ZFHX3: variants seen among roughly 807,000 people sequenced by gnomAD.
The protein encoded by ZFHX3 is zinc finger homeobox 3, also known as zinc finger homeobox protein 3.
In ZFHX3, 42 loss-of-function variants were observed where a neutral mutation model predicts 279.1. The observed-to-expected ratio is 0.15, with a 90% CI of 0.12 to 0.19. The LOEUF is 0.19. ZFHX3 is among the 10% of genes least tolerant of loss of function. The pLI is 1.00. For missense variants in ZFHX3, 4,981 were observed against 4,754.0 expected (o/e 1.05, Z -1.40); for synonymous variants, 2,293 against 1,957.8 (o/e 1.17, Z -4.52).
chr16:73,260,323 T>C lies in ZFHX3; in HGVS notation c.-1193-3187A>G, dbSNP rs553207376. On this transcript the variant is annotated intron_variant, in intron 4 of 17. Transcript: ENST00000641206. ...TCTGCTAGGTTTCTATTGTCCTTTT[T>C]GTAATTGGTAAGTATCTTTTTGGGA... Among the ~76,000 whole-genome samples, 5 of 152,300 alleles carry C rather than the reference T, an allele frequency of 3.3e-5. No individual in the cohort carries two copies. In the Middle Eastern group the frequency reaches 0.01, roughly 311 times the overall value.
chr16:73,097,518 A>G (rs936740848), intron 7 of ZFHX3, among the ~76,000 whole-genome samples: 1 of 152,182 alleles, frequency 6.6e-6, no homozygotes, highest in Admixed American at 6.5e-5. Flanking sequence ...GGATTTATAT[A>G]TACATATGTC....
chr16:73,210,575 C>G (rs1177503801), intron 5 of ZFHX3, among the ~76,000 whole-genome samples: 2 of 152,098 alleles, frequency 1.3e-5, no homozygotes, highest in East Asian at 3.9e-4. Context: ...CAGAGTTATT[C>G]CTATTGACCT....
At chr16:73,427,930 G>A (rs1020643940) in intron 3 of ZFHX3, among the ~76,000 whole-genome samples, 3 of 152,060 alleles carry the variant, frequency 2.0e-5, no homozygotes, top group Admixed American at 6.6e-5. Context: ...GCGACAGAGC[G>A]AGACTCTGTC....
intron 3 of ZFHX3, among the ~76,000 whole-genome samples, chr16:73,439,909 CAAAAAAAA>C (rs71156164): frequency 1.3e-5 from 1 of 75,446 alleles, no homozygotes; most frequent in African/African-American, 6.3e-5. Context: ...GGGAGAGGGA[CAAAAAAAA>C]AAAAAAAAAA....
At chr16:73,099,277 A>G (rs1966202352) in intron 7 of ZFHX3, 2 of 152,228 alleles carry the variant, frequency 1.3e-5, no homozygotes, top group Admixed American at 1.3e-4. Context: ...TGTTATAACA[A>G]ATGAAAAATG....
chr16:73,731,854 GAC>G (rs2053572345), intron 1 of ZFHX3, among the ~76,000 whole-genome samples: 1 of 152,152 alleles, frequency 6.6e-6, no homozygotes, highest in Non-Finnish European at 1.5e-5. Flanking sequence ...AGGTGTTAAA[GAC>G]ACACGTTTTG....
intron 1 of ZFHX3, among the ~76,000 whole-genome samples, chr16:73,762,103 C>A (rs1260651148): frequency 6.6e-6 from 1 of 151,116 alleles, no homozygotes; most frequent in Non-Finnish European, 1.5e-5. Context: ...GTCTAATATC[C>A]AGAATCTATA....
chr16:73,326,038 G>A (rs1334186630), intron 3 of ZFHX3, among the ~76,000 whole-genome samples: 1 of 152,110 alleles, frequency 6.6e-6, no homozygotes, highest in East Asian at 1.9e-4. Flanking sequence ...TGATTGCCAA[G>A]TCATGGAAGT....
intron 3 of ZFHX3, among the ~76,000 whole-genome samples, chr16:73,439,909 C>CAAAAAAAAAAAAAAAAAAAAA (rs71156164): frequency 1.3e-5 from 1 of 75,444 alleles, no homozygotes; most frequent in Non-Finnish European, 2.2e-5. Context: ...GGGAGAGGGA[C>CAAAAAAAAAAAAAAAAAAAAA]AAAAAAAAAA....
intron 3 of ZFHX3, among the ~76,000 whole-genome samples, chr16:72,924,008 G>T (rs758927464): frequency 6.6e-6 from 1 of 152,184 alleles, no homozygotes; most frequent in South Asian, 2.1e-4. Context: ...GCCGTCGGCT[G>T]TAACGGGCTA....
At chr16:73,156,236 A>AC (rs1776655599) in intron 5 of ZFHX3, among the ~76,000 whole-genome samples, 1 of 150,930 alleles carries the variant, frequency 6.6e-6, no homozygotes, top group Non-Finnish European at 1.5e-5. Context: ...CCTCTCAAAA[A>AC]AAAAAAAAAA....
rs2019279286 is a variant in ZFHX3, at chr16:73,503,875, C to T, written c.-1546-47617G>A. On this transcript the variant is annotated intron_variant, in intron 2 of 17. Transcript: ENST00000641206. The stretch of plus-strand genomic sequence containing the variant: ...AATAAGAAATCCTGAAGGAATGAAA[C>T]GAGGTTTGTGCTCCTCTGAGGAAGA... 2.0e-5 allele frequency among the ~76,000 whole-genome samples: 3 copies of T among 152,236 alleles called. 1 individual carries two copies. The highest frequency in any genetic ancestry group is 6.8e-3 in the Middle Eastern group (2 of 294).
intron 4 of ZFHX3, among the ~76,000 whole-genome samples, chr16:72,867,800 T>C (rs867625908): frequency 6.6e-6 from 1 of 152,274 alleles, no homozygotes; most frequent in Non-Finnish European, 1.5e-5. Flanking sequence ...AGCTTTCCTC[T>C]TCTAATGATG....
chr16:73,861,455 A>G (rs1184106768), intron 1 of ZFHX3, among the ~76,000 whole-genome samples: 1 of 152,182 alleles, frequency 6.6e-6, no homozygotes, highest in African/African-American at 2.4e-5. Flanking sequence ...TCCGTGTACA[A>G]ATAATCTTTA....
chr16:73,811,591 C>T (rs1005779161), intron 1 of ZFHX3, among the ~76,000 whole-genome samples: 2 of 151,896 alleles, frequency 1.3e-5, no homozygotes, highest in Middle Eastern at 3.4e-3. Context: ...ACTACAGGCA[C>T]GCGCGCCAAC....
At chr16:72,805,060 C>A (rs1004263329) in intron 7 of ZFHX3, among the ~76,000 whole-genome samples, 2 of 152,298 alleles carry the variant, frequency 1.3e-5, no homozygotes, top group South Asian at 4.1e-4. Flanking sequence ...TCACTGCAAC[C>A]TCCGCCTCCC....
intron 4 of ZFHX3, among the ~76,000 whole-genome samples, chr16:72,871,214 C>T (rs746629379): frequency 2.0e-5 from 3 of 152,168 alleles, no homozygotes; most frequent in African/African-American, 4.8e-5. Context: ...TTGCTCTTGA[C>T]GCCCAGGTTG....
chr16:73,377,368 C>G (rs919558050), intron 3 of ZFHX3, among the ~76,000 whole-genome samples: 8 of 152,104 alleles, frequency 5.3e-5, no homozygotes, highest in African/African-American at 1.9e-4. Flanking sequence ...TCAGACCTAC[C>G]AGGTATTAAG....
intron 2 of ZFHX3, among the ~76,000 whole-genome samples, chr16:73,462,637 A>C (rs2018492709): frequency 6.6e-6 from 1 of 152,136 alleles, no homozygotes; most frequent in East Asian, 1.9e-4. Context: ...CAATTTTGTC[A>C]AATACTTTTC....
Sources: allele counts gnomAD v4.1 joint callset (sites outside exome capture counted in the v4.1 genomes callset), GRCh38; gene constraint gnomAD v4.1.1; transcripts MANE v1.5; gene names NCBI Gene and HGNC (gene_info 2026-07-23, HGNC 2026-07-21).